Variants in REST observed in about 807,000 individuals in gnomAD.
The protein encoded by REST is RE1 silencing transcription factor, also known as RE1-silencing transcription factor.
Under a neutral mutation model 30.4 loss-of-function variants are expected in REST, and 1 was observed. That is an observed-to-expected ratio of 0.03 (90% CI 0.01 to 0.16). The LOEUF (loss-of-function observed/expected upper bound fraction) is 0.16, where lower values mean the gene tolerates loss of function less well. REST is among the 10% of genes least tolerant of loss of function. The pLI is 1.00. For synonymous variants in REST, 504 were observed against 451.1 expected, an observed-to-expected ratio of 1.12 and a Z score of -1.49; for missense variants, 1,259 against 1,329.5, an observed-to-expected ratio of 0.95 and a Z score of 0.82.
Position 56,920,901 on chromosome 4 carries a change from TGTC to T in REST, c.982+1035_982+1037del, listed in dbSNP as rs1720417391. On this transcript the variant is annotated intron_variant, in intron 3 of 3. Transcript: ENST00000309042. Reference sequence around the variant, plus strand: ...TTTTTTTGGAGACGGAGTCTTGCTCTGTCGTCTAGGCTGGAGTGCAGTAGTGCG... The same window carrying T: ...TTTTTTTGGAGACGGAGTCTTGCTCTGTCTAGGCTGGAGTGCAGTAGTGCG... Among the ~76,000 whole-genome samples, 7 of 152,326 alleles carry T rather than the reference TGTC, an allele frequency of 4.6e-5. No homozygotes were observed. The South Asian group carries it at 1.2e-3, about 27-fold the overall frequency.
chr4:56,927,421 C>T (rs928042700), intron 3 of REST, among the ~76,000 whole-genome samples: 3 of 152,164 alleles, frequency 2.0e-5, no homozygotes, highest in Admixed American at 6.5e-5. Flanking sequence ...ATTTGACTAC[C>T]TGGATAAGGT....
chr4:56,923,319 A>G (rs1560448098), intron 3 of REST, among the ~76,000 whole-genome samples: 1 of 152,222 alleles, frequency 6.6e-6, no homozygotes, highest in Non-Finnish European at 1.5e-5. Flanking sequence ...GCAGGCTGGA[A>G]TGCAGTGATG....
At chr4:56,926,790 G>C (rs1417141461) in intron 3 of REST, among the ~76,000 whole-genome samples, 1 of 151,602 alleles carries the variant, frequency 6.6e-6, no homozygotes, top group East Asian at 1.9e-4. Flanking sequence ...ACAACACTTA[G>C]AGAGTATTTT....
chr4:56,914,517 A>G (rs1334458757), intron 2 of REST, among the ~76,000 whole-genome samples: 1 of 152,210 alleles, frequency 6.6e-6, no homozygotes, highest in Non-Finnish European at 1.5e-5. Flanking sequence ...AAGCATTACA[A>G]AAATACATAA....
At chr4:56,915,223 T>TGC (rs1720136936) in intron 2 of REST, among the ~76,000 whole-genome samples, 1 of 119,646 alleles carries the variant, frequency 8.4e-6, no homozygotes, top group Non-Finnish European at 1.7e-5. Flanking sequence ...GCCAATTTTG[T>TGC]GTGTGTGTGT....
At chr4:56,927,621 A>G (rs766119730) in intron 3 of REST, 1 of 1,193,108 alleles carries the variant, frequency 8.4e-7, no homozygotes, top group South Asian at 1.5e-5. Context: ...CCAGTGGGGT[A>G]TGGATACCAT....
chr4:56,914,118 CAG>C (rs907733810), intron 2 of REST, among the ~76,000 whole-genome samples: 10 of 151,634 alleles, frequency 6.6e-5, no homozygotes. Flanking sequence ...ATGGTAGAGA[CAG>C]GGTTTCGCCA....
At chr4:56,910,586 AG>A (rs567836590) in intron 1 of REST, 43 bp from the exon 2 acceptor site, 1 of 1,473,028 alleles carries the variant, frequency 6.8e-7, no homozygotes, top group South Asian at 1.3e-5. Context: ...CAGTAACAGT[AG>A]TGTTTAAACT....
Position 56,933,304 on chromosome 4 carries a change from A to C in REST, c.*1152A>C, listed in dbSNP as rs1721039897. 6.6e-6 allele frequency: 1 copy of C among 152,138 alleles called. No homozygotes were observed. Among genetic ancestry groups the C allele is most frequent in the Non-Finnish European group, 1.5e-5 (1 of 68,036 alleles). 9.4% of individuals were successfully genotyped at this position (152,138 alleles called of 1,614,324 possible). On this transcript the variant is annotated 3_prime_UTR_variant, in exon 4 of 4. Transcript: ENST00000309042. ...ATAGATGGTTGGTGTTCATATGGCT[A>C]CTTTACAATAAAGAGAACTGTAAGT...
At chr4:56,909,496 G>A (rs952575953) in intron 1 of REST, 3 of 152,188 alleles carry the variant, frequency 2.0e-5, no homozygotes, top group African/African-American at 7.2e-5. Context: ...AGTCGATGTT[G>A]GGCCAAATTA....
chr4:56,921,408 T>A (rs1720445124), intron 3 of REST, among the ~76,000 whole-genome samples: 4 of 152,166 alleles, frequency 2.6e-5, no homozygotes, highest in Admixed American at 2.6e-4. Flanking sequence ...TTTTATTTTA[T>A]TATTATTTTT....
At position 56,931,761 on chromosome 4, in the gene REST, A is replaced by C; in HGVS notation, c.2903A>C (p.Glu968Ala). The C allele has an allele frequency of 6.2e-7, 1 of 1,614,260 alleles. No homozygotes were observed. The highest frequency in any genetic ancestry group is 8.5e-7 in the Non-Finnish European group (1 of 1,180,054). Residue 968 changes from glutamate to alanine, a missense_variant, in exon 4 of 4, where the codon GAA becomes GCA. Glu to Ala is a moderately radical substitution (Grantham distance 107). Around this residue, in one of 5 missense-constraint regions of REST, gnomAD observed 856 missense variants for 772.8 expected, o/e 1.11. Transcript: ENST00000309042. ...ACTGGTATAAATTCAACAGTTGAAGAACCAGTTTCACCAATGCTTCCCCCT... is the reference window on the plus strand; with the variant it reads ...ACTGGTATAAATTCAACAGTTGAAGCACCAGTTTCACCAATGCTTCCCCCT... The part of the protein sequence containing the change: ...NLTGINSTVE[E>A]PVSPMLPPSA...
chr4:56,930,297 C>T lies in REST; in HGVS notation c.1439C>T (p.Ser480Phe), dbSNP rs1720901039. The change falls in exon 4 of 4, where the codon TCT becomes TTT. Residue 480 changes from serine (S) to phenylalanine (F), a missense_variant. This residue lies in a region of REST where 856 missense variants were observed against 772.8 expected (regional missense o/e 1.11). Transcript: ENST00000309042. ...KRDVSKEKKP[S>F]NNVSVIQVTT... ...GATGTCTCAAAAGAGAAAAAGCCTT[C>T]TAATAATGTGTCAGTGATCCAGGTG... is the stretch of plus-strand genomic sequence containing the variant. 1 of 1,613,778 alleles carries T rather than the reference C, an allele frequency of 6.2e-7. No homozygotes were observed. Among genetic ancestry groups the T allele is most frequent in the Admixed American group, 1.7e-5 (1 of 59,958 alleles).
At chr4:56,909,367 AGCAGCACGGAGGAATTCGT>A (rs1476395772) in intron 1 of REST, 2 of 152,276 alleles carry the variant, frequency 1.3e-5, no homozygotes, top group East Asian at 1.9e-4. Context: ...CGCTGGTGGC[AGCAGCACGGAGGAATTCGT>A]GCAGCACGTT....
In REST at chr4:56,931,699, G is replaced by C; in HGVS notation, c.2841G>C (p.Met947Ile). The C allele has an allele frequency of 4.3e-6, 7 of 1,614,242 alleles. No individual in the cohort carries two copies. Among genetic ancestry groups the C allele is most frequent in the Non-Finnish European group, 5.9e-6 (7 of 1,180,044 alleles). Residue 947 changes from methionine to isoleucine, a missense_variant, in exon 4 of 4, where the codon ATG becomes ATC. Coordinates refer to ENST00000309042, the MANE Select transcript of REST (RefSeq NM_005612.5). ...AGACTGACAGTATAGTTTGTGAAAT[G>C]AAAATGGACACTGATCAGAACACAA... ...KHQTDSIVCE[M>I]KMDTDQNTRE...
intron 3 of REST, among the ~76,000 whole-genome samples, chr4:56,925,371 T>G (rs1160768314): frequency 6.6e-6 from 1 of 151,656 alleles, no homozygotes; most frequent in Admixed American, 6.6e-5. Context: ...TGCTATAACA[T>G]GTGGCTAATT....
In REST at chr4:56,924,893, C is replaced by T. The variant is rs550816965; in HGVS notation, c.983-4948C>T. Among the ~76,000 whole-genome samples, 405 of 152,156 alleles carry T rather than the reference C, an allele frequency of 2.7e-3. 2 individuals carry two copies. The highest frequency in any genetic ancestry group is 3.9e-3 in the Admixed American group (60 of 15,270). ...AAAAATTTTCTTTGCCGGCTATGCA[C>T]GGTTGTTCACACCTGTAATCCTAGC... On this transcript the variant is annotated intron_variant, in intron 3 of 3. Coordinates refer to ENST00000309042, the MANE Select transcript of REST (RefSeq NM_005612.5).
chr4:56,921,221 A>G (rs1451064678), intron 3 of REST, among the ~76,000 whole-genome samples: 3 of 152,144 alleles, frequency 2.0e-5, no homozygotes, highest in African/African-American at 7.2e-5. Flanking sequence ...TGGGAAAAGT[A>G]TCTTAAATCT....
In REST at chr4:56,931,997, G is replaced by A; in HGVS notation, c.3139G>A (p.Ala1047Thr). The change falls in exon 4 of 4, where the codon GCA (alanine) becomes ACA (threonine). Residue 1047 changes from alanine (A) to threonine (T), a missense_variant. By Grantham distance (58) the Ala-to-Thr change is moderately conservative (BLOSUM62 0). Transcript: ENST00000309042. ...TCCACAAGAATCTAGCAGAAAAAAT[G>A]CAAAGGAAGCCTTGGCAGTCAAAGC... Reference protein sequence around the residue: ...PVPQESSRKNAKEALAVKAAK... With the variant: ...PVPQESSRKNTKEALAVKAAK... 6.2e-7 allele frequency: 1 copy of A among 1,614,196 alleles called. No individual in the cohort carries two copies. The highest frequency in any genetic ancestry group is 2.2e-5 in the East Asian group (1 of 44,886).
Sources: allele counts gnomAD v4.1 joint callset (sites outside exome capture counted in the v4.1 genomes callset), GRCh38; gene constraint gnomAD v4.1.1; regional missense constraint gnomAD v4.1.1; transcripts MANE v1.5; gene names NCBI Gene and HGNC (gene_info 2026-07-23, HGNC 2026-07-21).